Variants in PEMT observed in about 807,000 individuals in gnomAD.
PEMT encodes the protein phosphatidylethanolamine N-methyltransferase, also known as phospholipid methyltransferase.
A neutral mutation model predicts 27.4 loss-of-function variants in PEMT; 23 were observed. That is an observed-to-expected ratio of 0.84 (90% CI 0.60 to 1.19). The LOEUF is 1.19. Ranked by LOEUF, PEMT falls within the 50% of genes most tolerant of loss-of-function variation. PEMT has a pLI of 0.00. For synonymous variants in PEMT, 137 were observed against 139.1 expected (o/e 0.98, Z 0.11); for missense variants, 307 against 310.1 (o/e 0.99, Z 0.07).
chr17:17,538,570 A>T (rs1208362788), intron 2 of PEMT, among the ~76,000 whole-genome samples: 1 of 152,232 alleles, frequency 6.6e-6, no homozygotes, highest in East Asian at 1.9e-4. Flanking sequence ...AAAGAAAAAA[A>T]AAATTAATAA....
At chr17:17,554,010 C>T (rs1392772166) in intron 2 of PEMT, among the ~76,000 whole-genome samples, 3 of 152,198 alleles carry the variant, frequency 2.0e-5, no homozygotes, top group Non-Finnish European at 4.4e-5. Context: ...GAGGCTTCTG[C>T]GGGAGGAGGC....
chr17:17,577,264 A>T, intron 1 of PEMT: 2 of 495,932 alleles, frequency 4.0e-6, no homozygotes, highest in Non-Finnish European at 3.6e-6. Context: ...CCAGATGAGG[A>T]AATCAGCACC....
intron 2 of PEMT, among the ~76,000 whole-genome samples, chr17:17,531,872 C>T (rs564023891): frequency 6.6e-6 from 1 of 152,222 alleles, no homozygotes; most frequent in Non-Finnish European, 1.5e-5. Flanking sequence ...AACGTGATAA[C>T]TTGAAATTCA....
intron 2 of PEMT, among the ~76,000 whole-genome samples, chr17:17,550,068 T>G (rs145715932): frequency 1.6e-3 from 244 of 152,296 alleles, no homozygotes; most frequent in African/African-American, 5.7e-3. Flanking sequence ...TCCTCCCTGA[T>G]AGCGGGGGGG....
In PEMT at chr17:17,505,827, G is replaced by T; in HGVS notation, c.675C>A (p.Tyr225Ter). 6.2e-7 allele frequency: 1 copy of T among 1,611,402 alleles called. No individual in the cohort carries two copies. The highest frequency in any genetic ancestry group is 8.5e-7 in the Non-Finnish European group (1 of 1,178,620). The change falls in exon 7 of 7, where the codon TAC (tyrosine) becomes TAA (stop). Residue 225 changes from tyrosine (Y) to a stop codon, truncating the protein, a stop_gained. Coordinates refer to ENST00000255389, the MANE Select transcript of PEMT (RefSeq NM_148172.3). LOFTEE classifies it high-confidence loss of function. ...LYEEPFTAEI[Y>*]RQKASGSHKR... ...TGTGGGACCCGGAGGCTTTCTGCCG[G>T]TAGATCTCAGCGGTGAAGGGCCTGC...
chr17:17,538,573 AT>A (rs1358943257), intron 2 of PEMT, among the ~76,000 whole-genome samples: 2 of 149,678 alleles, frequency 1.3e-5, no homozygotes. Context: ...GAAAAAAAAA[AT>A]TAATAAATAC....
intron 2 of PEMT, among the ~76,000 whole-genome samples, chr17:17,549,300 C>A (rs1909481124): frequency 6.6e-6 from 1 of 152,260 alleles, no homozygotes. Flanking sequence ...CGTGATTCTT[C>A]TGCCTCAGCC....
upstream of PEMT, chr17:17,591,760 G>A: frequency 6.9e-7 from 1 of 1,445,430 alleles, no homozygotes; most frequent in Non-Finnish European, 9.1e-7. Context: ...CCGGCCTTCT[G>A]GGAAATGTAG....
chr17:17,506,852 G>A (rs1905900124), intron 5 of PEMT: 1 of 397,738 alleles, frequency 2.5e-6, no homozygotes, highest in Non-Finnish European at 4.6e-6. Context: ...AGGGGGCTTA[G>A]GAGCTGCCGC....
chr17:17,556,459 C>T (rs573283380), intron 2 of PEMT, among the ~76,000 whole-genome samples: 1 of 152,092 alleles, frequency 6.6e-6, no homozygotes. Flanking sequence ...CTGCAACTCC[C>T]GCTTCCTGGG....
At chr17:17,565,507 C>T (rs1910770545) in intron 2 of PEMT, among the ~76,000 whole-genome samples, 1 of 152,242 alleles carries the variant, frequency 6.6e-6, no homozygotes, top group Non-Finnish European at 1.5e-5. Context: ...TCTGAGCCCA[C>T]CTAAGTCTCA....
intron 2 of PEMT, among the ~76,000 whole-genome samples, chr17:17,537,262 CCCTGCTCCTGTGAGGAGGACCCA>C (rs770599788): frequency 1.5e-4 from 23 of 152,284 alleles, no homozygotes; most frequent in South Asian, 2.1e-4. Flanking sequence ...TCGAATCCTG[CCCTGCTCCTGTGAGGAGGACCCA>C]CCTGCTCCTG....
chr17:17,572,439 G>A (rs955735641), intron 2 of PEMT, among the ~76,000 whole-genome samples: 1 of 152,218 alleles, frequency 6.6e-6, no homozygotes, highest in African/African-American at 2.4e-5. Context: ...TCCAGCGGCA[G>A]CTGTCCCTTA....
chr17:17,519,057 T>A (rs1452220055), intron 3 of PEMT: 2 of 152,052 alleles, frequency 1.3e-5, no homozygotes, highest in Non-Finnish European at 2.9e-5. Context: ...GAGGCATGCA[T>A]GGGAAAGGGT....
At chr17:17,507,821 A>G (rs1362904037) in intron 5 of PEMT, 1 of 153,872 alleles carries the variant, frequency 6.5e-6, no homozygotes, top group African/African-American at 2.4e-5. Flanking sequence ...TGGCCAGATA[A>G]TGGCTCATCT....
chr17:17,570,722 GA>G, intron 2 of PEMT: 1 of 985,412 alleles, frequency 1.0e-6, no homozygotes, highest in Non-Finnish European at 1.2e-6. Context: ...CCATTTCCTG[GA>G]AAACCTGGGG....
rs751099048 is a variant in PEMT at position 17,505,627 on chromosome 17, C to T, written c.*164G>A. 13 of 651,742 alleles carry T rather than the reference C, an allele frequency of 2.0e-5. No homozygotes were observed. Among genetic ancestry groups the T allele is most frequent in the Non-Finnish European group, 2.8e-5 (12 of 426,894 alleles). 40.4% of individuals were successfully genotyped at this position (651,742 alleles called of 1,614,324 possible). A position where few individuals can be genotyped will look rare whatever the true frequency, so the allele number is the denominator to read the frequency against. On this transcript the variant is annotated 3_prime_UTR_variant, in exon 7 of 7. Coordinates refer to ENST00000255389, the MANE Select transcript of PEMT (RefSeq NM_148172.3). ...GGGTTGGAGCTCAATGGCCATATGT[C>T]GGCACGTCCAGGGTCCCCAAGGCAG...
At chr17:17,507,156 T>C in intron 5 of PEMT, 1 of 1,559,186 alleles carries the variant, frequency 6.4e-7, no homozygotes. Context: ...CCCCAATCTA[T>C]TTCTATAGTT....
At chr17:17,547,976 T>A (rs1041870528) in intron 2 of PEMT, among the ~76,000 whole-genome samples, 1 of 152,118 alleles carries the variant, frequency 6.6e-6, no homozygotes, top group East Asian at 1.9e-4. Context: ...GAGAACGTCA[T>A]CAAATCAGAG....
Sources: gnomAD v4.1 joint callset for allele counts (sites outside exome capture counted in the v4.1 genomes callset) on GRCh38, gnomAD v4.1.1 for gene constraint, MANE v1.5 for transcripts, NCBI Gene and HGNC (gene_info 2026-07-23, HGNC 2026-07-21) for gene names.